Variants in MED13L observed in about 807,000 individuals in gnomAD.
The protein encoded by MED13L is mediator of RNA polymerase II transcription subunit 13-like.
MED13L carries 7 observed loss-of-function variants against 220.9 expected under a neutral mutation model. The ratio of observed to expected loss-of-function variants is 0.03; its 90% confidence interval spans 0.02 to 0.06. The LOEUF is 0.06. MED13L is among the 10% of genes least tolerant of loss of function. The probability of loss-of-function intolerance (pLI) is 1.00; values close to 1 mark genes in which losing one functional copy is unlikely to be tolerated. For synonymous variants in MED13L, 1,011 were observed against 1,015.2 expected, an observed-to-expected ratio of 1.00 and a Z score of 0.08; for missense variants, 1,965 against 2,760.5, an observed-to-expected ratio of 0.71 and a Z score of 6.46.
rs775491393 is a variant in MED13L, at chr12:115,966,380, G to A, written c.6226-137C>T. On this transcript the variant is annotated intron_variant, in intron 28 of 30. Transcript: ENST00000281928. ...ATCTCACAGAAAACAACAGGTGACT[G>A]AGAAAGGTAAGCGGGGCCAGCATCG... The A allele has an allele frequency of 6.0e-6, 6 of 1,001,090 alleles. No individual in the cohort carries two copies. In the African/African-American group the frequency reaches 8.0e-5, roughly 13 times the overall value. 62.0% of individuals were successfully genotyped at this position (1,001,090 alleles called of 1,614,324 possible).
At chr12:116,195,396 T>C (rs904937486) in intron 2 of MED13L, among the ~76,000 whole-genome samples, 3 of 152,122 alleles carry the variant, frequency 2.0e-5, no homozygotes, top group Non-Finnish European at 2.9e-5. Context: ...ACACAGCAAC[T>C]GAAATACAAA....
intron 2 of MED13L, among the ~76,000 whole-genome samples, chr12:116,151,384 A>G (rs1281906426): frequency 6.6e-6 from 1 of 152,226 alleles, no homozygotes; most frequent in Non-Finnish European, 1.5e-5. Context: ...TGCCTCCTCA[A>G]TGAAAAAGAA....
At chr12:116,145,693 A>ATTTATTTG (rs1877439087) in intron 2 of MED13L, among the ~76,000 whole-genome samples, 1 of 139,744 alleles carries the variant, frequency 7.2e-6, no homozygotes, top group South Asian at 2.3e-4. Flanking sequence ...TTATTTATTT[A>ATTTATTTG]TTTATTTATT....
At chr12:116,183,515 G>T (rs1206273639) in intron 2 of MED13L, among the ~76,000 whole-genome samples, 1 of 152,058 alleles carries the variant, frequency 6.6e-6, no homozygotes, top group Non-Finnish European at 1.5e-5. Flanking sequence ...TCAAATTTCT[G>T]AATATCTCCT....
At chr12:116,218,365 CTG>C (rs1240868524) in intron 2 of MED13L, among the ~76,000 whole-genome samples, 1 of 152,164 alleles carries the variant, frequency 6.6e-6, no homozygotes, top group East Asian at 1.9e-4. Flanking sequence ...GTTTTTAACT[CTG>C]TTCAAAACAA....
At chr12:116,216,920 T>C (rs192345146) in intron 2 of MED13L, among the ~76,000 whole-genome samples, 2 of 152,290 alleles carry the variant, frequency 1.3e-5, no homozygotes, top group African/African-American at 4.8e-5. Context: ...GACAGTAATA[T>C]ATGGCAGCAA....
intron 4 of MED13L, among the ~76,000 whole-genome samples, chr12:116,048,598 C>T (rs1396498395): frequency 6.6e-6 from 1 of 152,008 alleles, no homozygotes; most frequent in Non-Finnish European, 1.5e-5. Context: ...TGGGCACCTT[C>T]TTCAGCTGAT....
chr12:116,198,480 C>T (rs754085699), intron 2 of MED13L, among the ~76,000 whole-genome samples: 3 of 152,102 alleles, frequency 2.0e-5, no homozygotes, highest in South Asian at 2.1e-4. Context: ...TTTCATCAAT[C>T]CCAAACTGAA....
rs759214042 is a variant in MED13L, at chr12:116,249,249, C to T, written c.73-11544G>A. On this transcript the variant is annotated intron_variant, in intron 1 of 30. Transcript: ENST00000281928. ...GAATAATGCCCATAAAATGACCATA[C>T]CTCATAAGGAGGAAACCAGTGCTAG... Among the ~76,000 whole-genome samples the T allele has an allele frequency of 2.6e-5, 4 of 152,266 alleles. No individual in the cohort carries two copies. The Middle Eastern group carries it at 0.01, about 388-fold the overall frequency.
intron 2 of MED13L, among the ~76,000 whole-genome samples, chr12:116,199,172 T>G (rs911848618): frequency 1.3e-5 from 2 of 152,236 alleles, no homozygotes; most frequent in African/African-American, 4.8e-5. Flanking sequence ...TGGTCCCATT[T>G]TTTTTATCTT....
chr12:116,215,683 A>C (rs984253360), intron 2 of MED13L, among the ~76,000 whole-genome samples: 2 of 152,202 alleles, frequency 1.3e-5, no homozygotes, highest in African/African-American at 4.8e-5. Context: ...GATTAATTTT[A>C]ATACCAATAA....
At chr12:116,115,506 A>G (rs776125192) in intron 2 of MED13L, among the ~76,000 whole-genome samples, 1 of 152,206 alleles carries the variant, frequency 6.6e-6, no homozygotes, top group Non-Finnish European at 1.5e-5. Flanking sequence ...GAGTTTCATC[A>G]AAATGAAGAA....
chr12:116,239,291 A>G (rs1037866888), intron 1 of MED13L, among the ~76,000 whole-genome samples: 2 of 152,232 alleles, frequency 1.3e-5, no homozygotes, highest in Non-Finnish European at 2.9e-5. Flanking sequence ...CACTGGCATC[A>G]TTTAGGGTTT....
rs370983626 is a variant in MED13L, at chr12:116,022,517, T to C, written c.564A>G (p.Pro188=). Residue 188 remains proline (P), a synonymous_variant, in exon 5 of 31, where the codon CCA becomes CCG. Coordinates refer to ENST00000281928, the MANE Select transcript of MED13L (RefSeq NM_015335.5). ...CTSVEIAQHQ[P]IYLINEEHIH... is the part of the protein sequence containing the mutation. ...TATGCTCCTCATTGATCAAATAAAT[T>C]GGCTGGTGCTGGGCAATCTCCACAC... 6 of 1,613,536 alleles carry C rather than the reference T, an allele frequency of 3.7e-6. No homozygotes were observed. In the African/African-American group the frequency reaches 6.7e-5, roughly 18 times the overall value.
chr12:116,000,362 G>C (rs1297910404), intron 14 of MED13L, among the ~76,000 whole-genome samples: 1 of 152,182 alleles, frequency 6.6e-6, no homozygotes, highest in Admixed American at 6.5e-5. Context: ...GACTGGAGGT[G>C]AGCTGTGCTG....
intron 13 of MED13L, among the ~76,000 whole-genome samples, chr12:116,003,676 T>C (rs968245809): frequency 3.3e-5 from 5 of 152,152 alleles, no homozygotes; most frequent in Admixed American, 2.6e-4. Context: ...AAGATTATCT[T>C]TAACATTAAA....
intron 2 of MED13L, among the ~76,000 whole-genome samples, chr12:116,223,755 ACT>A (rs1332542224): frequency 6.6e-6 from 1 of 152,116 alleles, no homozygotes; most frequent in Non-Finnish European, 1.5e-5. Context: ...AAATTATATC[ACT>A]GTTTTTTCAA....
chr12:116,189,911 C>G (rs1316549196), intron 2 of MED13L, among the ~76,000 whole-genome samples: 1 of 152,054 alleles, frequency 6.6e-6, no homozygotes, highest in Non-Finnish European at 1.5e-5. Flanking sequence ...GCTGAACTCA[C>G]TCATTAGTTC....
In MED13L at chr12:116,015,251, C is replaced by T. The variant is rs1346504215; in HGVS notation, c.1033G>A (p.Ala345Thr). 1.1e-5 allele frequency: 18 copies of T among 1,613,706 alleles called. No homozygotes were observed. The highest frequency in any genetic ancestry group is 1.5e-5 in the Non-Finnish European group (18 of 1,179,830). Residue 345 changes from alanine to threonine, a missense_variant, in exon 8 of 31, where the codon GCT becomes ACT. This residue lies in a region of MED13L where 818 missense variants were observed against 1,041.2 expected (regional missense o/e 0.79). Transcript: ENST00000281928. ...TCTTGGGAAACCAGGTGACTGGCAGCACTCTGCATACCTCCACTCTCACCT... is the reference window on the plus strand; with the variant it reads ...TCTTGGGAAACCAGGTGACTGGCAGTACTCTGCATACCTCCACTCTCACCT... ...ILGESGGMQSAASHLVSQDGG... is the reference protein window; with the variant it reads ...ILGESGGMQSTASHLVSQDGG...
Sources: gnomAD v4.1 joint callset for allele counts (sites outside exome capture counted in the v4.1 genomes callset) on GRCh38, gnomAD v4.1.1 for gene constraint, gnomAD v4.1.1 regional missense constraint, MANE v1.5 for transcripts, NCBI Gene and HGNC (gene_info 2026-07-23, HGNC 2026-07-21) for gene names.